RANBP2: variants seen among roughly 807,000 people sequenced by gnomAD.
The protein encoded by RANBP2 is E3 SUMO-protein ligase RanBP2.
A neutral mutation model predicts 303.6 loss-of-function variants in RANBP2; 57 were observed. The observed-to-expected ratio is 0.19, with a 90% CI of 0.15 to 0.23. The LOEUF (loss-of-function observed/expected upper bound fraction) is 0.23, where lower values mean the gene tolerates loss of function less well. RANBP2 is among the 10% of genes least tolerant of loss of function. The probability of loss-of-function intolerance (pLI) is 1.00; values close to 1 mark genes in which losing one functional copy is unlikely to be tolerated. For synonymous variants in RANBP2, 1,167 were observed against 1,301.5 expected (o/e 0.90, Z 2.23); for missense variants, 3,138 against 3,780.8 (o/e 0.83, Z 4.46).
At chr2:109,085,682 C>A in the RANBP2 span, among the ~76,000 whole-genome samples, 1 of 147,102 alleles carries the variant, frequency 6.8e-6, no homozygotes, top group South Asian at 2.2e-4. Context: ...CTCACTGCAA[C>A]CTCTGCCTCT....
the RANBP2 span, among the ~76,000 whole-genome samples, chr2:108,839,869 T>C: frequency 1.3e-5 from 2 of 152,138 alleles, no homozygotes; most frequent in South Asian, 4.1e-4. Context: ...TTCCTTTTCC[T>C]ACCTTATTGC....
the RANBP2 span, among the ~76,000 whole-genome samples, chr2:108,831,746 T>TTCCTTCCTTCCTTC: frequency 1.4e-5 from 2 of 139,574 alleles, no homozygotes; most frequent in African/African-American, 5.0e-5. Flanking sequence ...CCGTCCTTCC[T>TTCCTTCCTTCCTTC]GTTGAAACGA....
At position 108,719,508 on chromosome 2, in the gene RANBP2, C is replaced by G. The variant is rs1694029415; in HGVS notation, c.-99C>G. 1.3e-6 allele frequency: 2 copies of G among 1,532,938 alleles called. No homozygotes were observed. The highest frequency in any genetic ancestry group is 1.4e-5 in the African/African-American group (1 of 72,784). 95.0% of individuals were successfully genotyped at this position (1,532,938 alleles called of 1,614,324 possible). ...CAGTGGTCCTCCGCCGGCTACGGCG[C>G]TGCGTCACTGGTTTGCAGGCGCTTT... On this transcript the variant is annotated 5_prime_UTR_variant, in exon 1 of 29. Coordinates refer to ENST00000283195, the MANE Select transcript of RANBP2 (RefSeq NM_006267.5).
At chr2:109,445,291 C>T in the RANBP2 span, among the ~76,000 whole-genome samples, 1 of 152,108 alleles carries the variant, frequency 6.6e-6, no homozygotes, top group South Asian at 2.1e-4. Flanking sequence ...TGAGAATTCT[C>T]CAAAATTGAA....
At chr2:108,954,427 G>C in the RANBP2 span, among the ~76,000 whole-genome samples, 2 of 152,162 alleles carry the variant, frequency 1.3e-5, no homozygotes, top group Non-Finnish European at 2.9e-5. Flanking sequence ...GCAAACTTTG[G>C]ATAGGTGTGG....
At chr2:109,466,769 G>A in the RANBP2 span, among the ~76,000 whole-genome samples, 1 of 152,154 alleles carries the variant, frequency 6.6e-6, no homozygotes, top group Non-Finnish European at 1.5e-5. Flanking sequence ...ATATCTGTGT[G>A]CATGTCTATA....
chr2:109,062,874 G>T, the RANBP2 span, among the ~76,000 whole-genome samples: 1 of 151,840 alleles, frequency 6.6e-6, no homozygotes, highest in African/African-American at 2.4e-5. Flanking sequence ...GGTGAAGGGG[G>T]CTGGCAGGCT....
At chr2:108,931,488 T>G in the RANBP2 span, among the ~76,000 whole-genome samples, 3 of 152,196 alleles carry the variant, frequency 2.0e-5, no homozygotes, top group African/African-American at 7.2e-5. Context: ...CAGCTTAGTG[T>G]TCTTCCCTCT....
chr2:109,438,167 G>A, the RANBP2 span, among the ~76,000 whole-genome samples: 1 of 152,338 alleles, frequency 6.6e-6, no homozygotes, highest in East Asian at 1.9e-4. Flanking sequence ...GTCAGCAGAG[G>A]CCATATTTCC....
At chr2:108,818,179 G>A in the RANBP2 span, among the ~76,000 whole-genome samples, 116 of 152,150 alleles carry the variant, frequency 7.6e-4, no homozygotes, top group African/African-American at 2.6e-3. Context: ...GGTGGCACGC[G>A]CCTATAACCC....
the RANBP2 span, chr2:108,812,558 T>G: frequency 9.4e-7 from 1 of 1,065,604 alleles, no homozygotes; most frequent in South Asian, 1.3e-5. Context: ...GATTAGATAG[T>G]AGATTGGGAA....
the RANBP2 span, among the ~76,000 whole-genome samples, chr2:109,633,367 T>G: frequency 1.3e-5 from 2 of 152,018 alleles, no homozygotes; most frequent in Non-Finnish European, 2.9e-5. Flanking sequence ...CCCTCCAGCC[T>G]GGGTGACAGA....
At chr2:108,779,534 T>C (rs2149322842) in intron 25 of RANBP2, among the ~76,000 whole-genome samples, 1 of 151,126 alleles carries the variant, frequency 6.6e-6, no homozygotes, top group Non-Finnish European at 1.5e-5. Context: ...TGATTTTTTA[T>C]TGTGTTCTTT....
At chr2:108,951,878 A>C in the RANBP2 span, among the ~76,000 whole-genome samples, 1 of 152,214 alleles carries the variant, frequency 6.6e-6, no homozygotes, top group African/African-American at 2.4e-5. Context: ...GATCTTCCCA[A>C]GGTCTCTTGA....
chr2:108,770,265 T>G (rs826581), intron 20 of RANBP2, among the ~76,000 whole-genome samples: 17,352 of 152,084 alleles, frequency 0.11, 1,238 homozygotes, highest in Middle Eastern at 0.17. Flanking sequence ...TTACCCAAGG[T>G]GTCTTTACTG....
chr2:109,487,072 G>A, the RANBP2 span, among the ~76,000 whole-genome samples: 1 of 152,312 alleles, frequency 6.6e-6, no homozygotes, highest in African/African-American at 2.4e-5. Flanking sequence ...GTTTGCAGAA[G>A]AAGGCAGTCA....
chr2:109,209,929 G>C, the RANBP2 span, among the ~76,000 whole-genome samples: 1 of 152,058 alleles, frequency 6.6e-6, no homozygotes, highest in African/African-American at 2.4e-5. Flanking sequence ...CACTATTTCT[G>C]AGCAACACCT....
chr2:109,369,657 G>A, the RANBP2 span, among the ~76,000 whole-genome samples: 14 of 152,310 alleles, frequency 9.2e-5, no homozygotes, highest in African/African-American at 1.9e-4. Flanking sequence ...GGGAGAGGGC[G>A]GTTTGGAAGA....
chr2:109,323,570 G>A, the RANBP2 span, among the ~76,000 whole-genome samples: 5 of 152,196 alleles, frequency 3.3e-5, no homozygotes, highest in African/African-American at 4.8e-5. Context: ...AGCCCCCAGC[G>A]AAGCTTGAAC....
Sources: gnomAD v4.1 joint callset for allele counts (sites outside exome capture counted in the v4.1 genomes callset) on GRCh38, gnomAD v4.1.1 for gene constraint, MANE v1.5 for transcripts, NCBI Gene and HGNC (gene_info 2026-07-23, HGNC 2026-07-21) for gene names.